Variants in DLG2 observed in about 807,000 individuals in gnomAD.
DLG2 encodes the protein discs large MAGUK scaffold protein 2.
A neutral mutation model predicts 132.5 loss-of-function variants in DLG2; 45 were observed. The ratio of observed to expected loss-of-function variants is 0.34; its 90% CI spans 0.27 to 0.44. The LOEUF (loss-of-function observed/expected upper bound fraction) is 0.44. Among genes scored for constraint, DLG2 ranks in the 20% least tolerant of loss-of-function variants. The pLI is 1.00. For synonymous variants in DLG2, 424 were observed against 419.6 expected (o/e 1.01, Z -0.13); for missense variants, 1,045 against 1,196.9 (o/e 0.87, Z 1.87).
At chr11:83,985,473 T>G (rs2093198679) in intron 11 of DLG2, among the ~76,000 whole-genome samples, 1 of 152,082 alleles carries the variant, frequency 6.6e-6, no homozygotes, top group African/African-American at 2.4e-5. Flanking sequence ...AAGCCCAGAA[T>G]CCATTAGCTA....
intron 19 of DLG2, among the ~76,000 whole-genome samples, chr11:83,588,470 A>G (rs576365699): frequency 2.0e-5 from 3 of 152,146 alleles, no homozygotes; most frequent in African/African-American, 2.4e-5. Flanking sequence ...CATCCACACC[A>G]AAAACCCATC....
chr11:84,246,653 G>T (rs554006809), intron 8 of DLG2, among the ~76,000 whole-genome samples: 1 of 152,272 alleles, frequency 6.6e-6, no homozygotes, highest in African/African-American at 2.4e-5. Context: ...AATCATGTTA[G>T]TTTTGCTGTG....
At chr11:84,484,127 G>A (rs2099145077) in intron 7 of DLG2, among the ~76,000 whole-genome samples, 1 of 152,274 alleles carries the variant, frequency 6.6e-6, no homozygotes. Context: ...GGGTACAAGA[G>A]ATGGTTGCAC....
chr11:85,108,503 GT>G (rs1274787801), intron 6 of DLG2, among the ~76,000 whole-genome samples: 1 of 151,902 alleles, frequency 6.6e-6, no homozygotes, highest in Non-Finnish European at 1.5e-5. Context: ...ACATATCATA[GT>G]TTTTGGTTAT....
intron 18 of DLG2, among the ~76,000 whole-genome samples, chr11:83,655,742 T>TA (rs1454751551): frequency 6.6e-6 from 1 of 152,232 alleles, no homozygotes; most frequent in Non-Finnish European, 1.5e-5. Flanking sequence ...CACACCCATA[T>TA]ACCCTGGCCT....
chr11:83,791,068 C>A (rs1246010627), intron 17 of DLG2: 2 of 705,522 alleles, frequency 2.8e-6, no homozygotes, highest in Admixed American at 2.4e-5. Flanking sequence ...TCCTTTCGGA[C>A]GCCATTCAGG....
intron 7 of DLG2, among the ~76,000 whole-genome samples, chr11:84,264,309 C>T (rs2097584503): frequency 6.6e-6 from 1 of 152,160 alleles, no homozygotes. Flanking sequence ...GCTGTTCTAG[C>T]TTCCCACAGT....
intron 6 of DLG2, among the ~76,000 whole-genome samples, chr11:84,738,575 T>C (rs1469333518): frequency 6.6e-6 from 1 of 152,128 alleles, no homozygotes; most frequent in Non-Finnish European, 1.5e-5. Context: ...AAAATGTTAG[T>C]GGATGCCACT....
At chr11:84,279,193 G>C (rs2097823832) in intron 7 of DLG2, among the ~76,000 whole-genome samples, 1 of 152,180 alleles carries the variant, frequency 6.6e-6, no homozygotes, top group Non-Finnish European at 1.5e-5. Flanking sequence ...AAACATTTAT[G>C]TAGCCAAAAA....
At chr11:84,371,920 T>G (rs970154446) in intron 7 of DLG2, among the ~76,000 whole-genome samples, 1 of 152,220 alleles carries the variant, frequency 6.6e-6, no homozygotes, top group Non-Finnish European at 1.5e-5. Context: ...AGGGCAGTCA[T>G]TTTGAAAAAT....
At chr11:84,188,999 T>C (rs2096344589) in intron 8 of DLG2, among the ~76,000 whole-genome samples, 1 of 152,220 alleles carries the variant, frequency 6.6e-6, no homozygotes, top group Non-Finnish European at 1.5e-5. Context: ...TAAAATTTCC[T>C]TATTTGTTTA....
At chr11:84,194,900 T>G (rs1175369033) in intron 8 of DLG2, among the ~76,000 whole-genome samples, 2 of 152,150 alleles carry the variant, frequency 1.3e-5, no homozygotes, top group Admixed American at 1.3e-4. Flanking sequence ...GCGCGGGGCC[T>G]ATTGAGCCTG....
intron 7 of DLG2, among the ~76,000 whole-genome samples, chr11:84,405,885 T>G (rs2098847036): frequency 6.6e-6 from 1 of 152,200 alleles, no homozygotes; most frequent in Admixed American, 6.5e-5. Flanking sequence ...CAGTTACATA[T>G]TTGAGGATCC....
chr11:84,409,157 C>T (rs948739416), intron 7 of DLG2, among the ~76,000 whole-genome samples: 3 of 152,212 alleles, frequency 2.0e-5, no homozygotes, highest in Non-Finnish European at 4.4e-5. Context: ...TTTTATATCA[C>T]CATGATTCTG....
At position 84,299,920 on chromosome 11, in the gene DLG2, A is replaced by G. The variant is rs368745417; in HGVS notation, c.520-48629T>C. Reference sequence around the variant, plus strand: ...CCAGAAGGTGCCCAGCTTTGATGAGAAGAGTCAAGAGAGTTGTTGCATCTG... The same window carrying G: ...CCAGAAGGTGCCCAGCTTTGATGAGGAGAGTCAAGAGAGTTGTTGCATCTG... On this transcript the variant is annotated intron_variant, in intron 7 of 27. Transcript: ENST00000376104. 4.7e-4 allele frequency among the ~76,000 whole-genome samples: 72 copies of G among 152,260 alleles called. No individual in the cohort carries two copies. In the East Asian group the frequency reaches 7.9e-3, roughly 17 times the overall value.
intron 6 of DLG2, among the ~76,000 whole-genome samples, chr11:84,549,840 G>A (rs1220174672): frequency 2.6e-5 from 4 of 151,980 alleles, no homozygotes; most frequent in Middle Eastern, 3.4e-3. Flanking sequence ...TGCAACCTCC[G>A]CCTCCTGGGC....
At chr11:85,209,373 C>T (rs967853388) in intron 4 of DLG2, among the ~76,000 whole-genome samples, 2 of 147,586 alleles carry the variant, frequency 1.4e-5, no homozygotes, top group African/African-American at 5.0e-5. Flanking sequence ...GACCATGGAG[C>T]AGAATTGTTT....
At chr11:84,837,746 T>C (rs1304593959) in intron 6 of DLG2, among the ~76,000 whole-genome samples, 2 of 151,844 alleles carry the variant, frequency 1.3e-5, no homozygotes, top group Non-Finnish European at 2.9e-5. Context: ...GAGAGCAATA[T>C]CAGTGCCTTG....
chr11:84,867,846 G>A (rs554553735), intron 6 of DLG2, among the ~76,000 whole-genome samples: 4 of 152,168 alleles, frequency 2.6e-5, no homozygotes, highest in South Asian at 2.1e-4. Flanking sequence ...AGGCCAAGGC[G>A]GGTGGATCAC....
Sources: allele counts gnomAD v4.1 joint callset (sites outside exome capture counted in the v4.1 genomes callset), GRCh38; gene constraint gnomAD v4.1.1; transcripts MANE v1.5; gene names NCBI Gene and HGNC (gene_info 2026-07-23, HGNC 2026-07-21).